The following SNAP47 variants were observed in gnomAD, a reference collection of about 807,000 sequenced individuals.
The protein encoded by SNAP47 is synaptosome associated protein 47, also known as synaptosomal-associated protein 47.
In SNAP47, 20 loss-of-function variants were observed where a neutral mutation model predicts 31.4. That is an observed-to-expected ratio of 0.64 (90% CI 0.45 to 0.93). The LOEUF (loss-of-function observed/expected upper bound fraction) is 0.93. SNAP47 is among the 40% of genes least tolerant of loss of function. SNAP47 has a pLI of 0.00. For synonymous variants in SNAP47, 194 were observed against 213.4 expected (o/e 0.91, Z 0.79); for missense variants, 492 against 528.5 (o/e 0.93, Z 0.68).
chr1:227,766,833 G>A lies in SNAP47; in HGVS notation c.989-126G>A, dbSNP rs12071807. 3 of 1,368,116 alleles carry A rather than the reference G, an allele frequency of 2.2e-6. No homozygotes were observed. In the African/African-American group the frequency reaches 4.3e-5, roughly 19 times the overall value. The allele number at this position is 1,368,116 out of a possible 1,614,324, so 84.7% of individuals were successfully genotyped here. A position where few individuals can be genotyped will look rare whatever the true frequency, so the allele number is the denominator to read the frequency against. On this transcript the variant is annotated intron_variant, in intron 3 of 4. Transcript: ENST00000617596. ...GGCAAGGCTCACAGAGGTCGAGAGA[G>A]GAAGCAGTCCTGCGTGTGGTGGCGG...
At chr1:227,732,582 G>C, upstream of SNAP47, 2 of 1,613,504 alleles carry the variant, frequency 1.2e-6, no homozygotes, top group Non-Finnish European at 1.7e-6. Flanking sequence ...CTCAGCGGCT[G>C]CCTCCCTCAG....
intron 1 of SNAP47, chr1:227,735,869 T>C (rs1661105707): frequency 2.8e-6 from 1 of 359,304 alleles, no homozygotes; most frequent in Admixed American, 7.3e-5. Context: ...GAGGGGACGG[T>C]GGGACCTGGA....
upstream of SNAP47, chr1:227,732,283 C>G (rs1345026264): frequency 3.0e-6 from 4 of 1,329,010 alleles, no homozygotes; most frequent in Non-Finnish European, 4.2e-6. Flanking sequence ...CCACAAGCCT[C>G]GACAGGGGTG....
At chr1:227,745,701 C>G (rs1237847371) in intron 1 of SNAP47, 3 of 152,170 alleles carry the variant, frequency 2.0e-5, no homozygotes, top group Non-Finnish European at 4.4e-5. Flanking sequence ...GGATCAGTGT[C>G]ACAGCTGGAG....
rs1661634254 is a variant in SNAP47, at chr1:227,741,954, T to C, written c.-45-5738T>C. 6.6e-6 allele frequency among the ~76,000 whole-genome samples: 1 copy of C among 152,166 alleles called. No individual in the cohort carries two copies. Among genetic ancestry groups the C allele is most frequent in the South Asian group, 2.1e-4 (1 of 4,834 alleles). Reference sequence around the variant, plus strand: ...CTTTCCTTATATTTATTGTTTAAAATGTGATAATGAGAAGAGCCTTGGTTA... The same window carrying C: ...CTTTCCTTATATTTATTGTTTAAAACGTGATAATGAGAAGAGCCTTGGTTA... On this transcript the variant is annotated intron_variant, in intron 1 of 4. Transcript: ENST00000617596. This position sits in a 1 kb window ranked among gnomAD's most constrained non-coding sequence, Gnocchi z 4.2.
intron 1 of SNAP47, among the ~76,000 whole-genome samples, chr1:227,740,006 G>T (rs1288155556): frequency 2.0e-5 from 3 of 152,268 alleles, no homozygotes; most frequent in Non-Finnish European, 4.4e-5. Flanking sequence ...GTGTGGTTGT[G>T]GTCAACTCAG....
intron 1 of SNAP47, among the ~76,000 whole-genome samples, chr1:227,737,731 T>C (rs1035309760): frequency 6.6e-6 from 1 of 152,002 alleles, no homozygotes; most frequent in African/African-American, 2.4e-5. Context: ...GAGGGAGGAC[T>C]AGGAGGAAAG....
chr1:227,772,846 C>A (rs1434337482), intron 4 of SNAP47, among the ~76,000 whole-genome samples: 1 of 152,146 alleles, frequency 6.6e-6, no homozygotes, highest in Non-Finnish European at 1.5e-5. Context: ...GTCTTGACAC[C>A]CTTGTTGAAA....
At chr1:227,768,329 C>T (rs1374182712) in intron 4 of SNAP47, 3 of 985,328 alleles carry the variant, frequency 3.0e-6, no homozygotes, top group African/African-American at 1.7e-5. Context: ...CCACGCAGGG[C>T]ATGGGCTCCC....
intron 1 of SNAP47, among the ~76,000 whole-genome samples, chr1:227,743,188 T>A (rs919421632): frequency 8.5e-5 from 13 of 152,230 alleles, no homozygotes; most frequent in Non-Finnish European, 1.3e-4. Flanking sequence ...CCCTCTGGCC[T>A]CCTCCTGGTG....
upstream of SNAP47, chr1:227,732,408 G>C: frequency 6.2e-7 from 1 of 1,612,732 alleles, no homozygotes; most frequent in Non-Finnish European, 8.5e-7. Context: ...GGCCGCAGCA[G>C]CATCAACAGC....
At chr1:227,776,017 G>A in intron 4 of SNAP47, 2 of 1,213,076 alleles carry the variant, frequency 1.6e-6, no homozygotes, top group Non-Finnish European at 2.1e-6. Context: ...TATCCTGGGG[G>A]ACCATGGCCA....
intron 1 of SNAP47, among the ~76,000 whole-genome samples, chr1:227,729,989 C>G (rs368895733): frequency 2.0e-5 from 3 of 152,332 alleles, no homozygotes; most frequent in East Asian, 1.9e-4. Flanking sequence ...GTGGGGTGCA[C>G]AGCCATTGTC....
Position 227,739,004 on chromosome 1 carries a change from C to T in SNAP47, c.-46+3505C>T, listed in dbSNP as rs1314659043. On this transcript the variant is annotated intron_variant, in intron 1 of 4. Transcript: ENST00000617596. ...GCAGGGTGCCCCCTCGGGTCAGTGT[C>T]ACCACTGTATACGCAGGAGGCCTGG... Among the ~76,000 whole-genome samples, 5 of 152,146 alleles carry T rather than the reference C, an allele frequency of 3.3e-5. No individual in the cohort carries two copies. The East Asian group carries it at 7.7e-4, about 23-fold the overall frequency.
chr1:227,739,924 G>A (rs1196064240), intron 1 of SNAP47, among the ~76,000 whole-genome samples: 9 of 152,212 alleles, frequency 5.9e-5, no homozygotes, highest in Admixed American at 5.9e-4. Flanking sequence ...ACACCGTGAG[G>A]GCTCCAGGAC....
Position 227,773,914 on chromosome 1 carries a change from A to G in SNAP47, c.1114-6613A>G, listed in dbSNP as rs115540895. On this transcript the variant is annotated intron_variant, in intron 4 of 4. Transcript: ENST00000617596. The stretch of plus-strand genomic sequence containing the variant: ...TTAGGCAGCACATGACTATTTTAGT[A>G]TATCATGATTTTGTTTTCATTCATC... Among the ~76,000 whole-genome samples, 797 of 152,344 alleles carry G rather than the reference A, an allele frequency of 5.2e-3. 8 individuals carry two copies. Among genetic ancestry groups the G allele is most frequent in the African/African-American group, 0.018 (765 of 41,574 alleles).
rs1663202990 is a variant in SNAP47 at position 227,763,629 on chromosome 1, C to T, written c.989-3330C>T. Among the ~76,000 whole-genome samples, 1 of 152,194 alleles carries T rather than the reference C, an allele frequency of 6.6e-6. No homozygotes were observed. The highest frequency in any genetic ancestry group is 2.4e-5 in the African/African-American group (1 of 41,456). ...AGCCTGGGGGTACTGCATCAGCTGG[C>T]CTGGAGCCTATCAGAGGATGCCGCT... On this transcript the variant is annotated intron_variant, in intron 3 of 4. Coordinates refer to ENST00000617596, the MANE Select transcript of SNAP47 (RefSeq NM_053052.4). The surrounding 1 kb of genome is among the most constrained non-coding windows in gnomAD (Gnocchi z 4.2).
chr1:227,732,615 A>G, upstream of SNAP47: 1 of 1,613,538 alleles, frequency 6.2e-7, no homozygotes, highest in Non-Finnish European at 8.5e-7. Flanking sequence ...CTTCTCAGCG[A>G]TGACCTTGAG....
At chr1:227,737,903 GT>G (rs909271499) in intron 1 of SNAP47, among the ~76,000 whole-genome samples, 114 of 152,076 alleles carry the variant, frequency 7.5e-4, no homozygotes, top group African/African-American at 2.7e-3. Flanking sequence ...GTTTATTGGG[GT>G]TTTTTTTACA....
Sources: allele counts gnomAD v4.1 joint callset (sites outside exome capture counted in the v4.1 genomes callset), GRCh38; gene constraint gnomAD v4.1.1; non-coding constraint Gnocchi (gnomAD v3.1); transcripts MANE v1.5; gene names NCBI Gene and HGNC (gene_info 2026-07-23, HGNC 2026-07-21).